Variants in HAS2 observed in about 807,000 individuals in gnomAD.
HAS2 encodes HA synthase 2.
Under a neutral mutation model 51.6 loss-of-function variants are expected in HAS2, and 16 were observed. The observed-to-expected ratio is 0.31, with a 90% CI of 0.21 to 0.47. HAS2 has a LOEUF of 0.47. Ranked by LOEUF, HAS2 falls within the 20% of genes least tolerant of loss-of-function variation. The pLI is 1.00. For synonymous variants in HAS2, 228 were observed against 235.5 expected (o/e 0.97, Z 0.29); for missense variants, 361 against 662.6 (o/e 0.54, Z 5.00).
intron 1 of HAS2, among the ~76,000 whole-genome samples, chr8:121,635,463 T>A (rs543422829): frequency 2.1e-3 from 319 of 152,272 alleles, no homozygotes; most frequent in African/African-American, 7.3e-3. Context: ...TACTTATGGG[T>A]TAACAAGTAA....
At chr8:121,622,426 A>C (rs1586504807) in intron 2 of HAS2, among the ~76,000 whole-genome samples, 1 of 152,116 alleles carries the variant, frequency 6.6e-6, no homozygotes, top group East Asian at 1.9e-4. Flanking sequence ...TTACCTCCTA[A>C]GCTTCCATTC....
chr8:121,616,728 G>A (rs1429015471), intron 3 of HAS2, among the ~76,000 whole-genome samples: 3 of 151,972 alleles, frequency 2.0e-5, no homozygotes, highest in Non-Finnish European at 2.9e-5. Context: ...AAACCACTGC[G>A]CCCGGCTCAT....
chr8:121,629,267 C>A lies in HAS2; in HGVS notation c.74G>T (p.Gly25Val). ...GCCAACAATATAAGCAGCTGTGATT[C>A]CAAGGAGGAGAGAGACTCCAAAGAG... is the stretch of plus-strand genomic sequence containing the variant. ...TTLFGVSLLL[G>V]ITAAYIVGYQ... The change falls in exon 2 of 4, where the codon GGA becomes GTA. Residue 25 changes from glycine to valine, a missense_variant. Coordinates refer to ENST00000303924, the MANE Select transcript of HAS2 (RefSeq NM_005328.3). 1 of 1,613,166 alleles carries A rather than the reference C, an allele frequency of 6.2e-7. No individual in the cohort carries two copies. Among genetic ancestry groups the A allele is most frequent in the Non-Finnish European group, 8.5e-7 (1 of 1,179,202 alleles).
rs750769768 is a variant in HAS2, at chr8:121,628,983, T to C, written c.358A>G (p.Ile120Val). ...AGGTCATCTTCTGAGTTCCCATCTA[T>C]GACCATGACAACTTTAATCCCAGGG... Reference protein sequence around the residue: ...TYPGIKVVMVIDGNSEDDLYM... With the variant: ...TYPGIKVVMVVDGNSEDDLYM... Residue 120 changes from isoleucine (I) to valine (V), a missense_variant, in exon 2 of 4, where the codon ATA (isoleucine) becomes GTA (valine). By Grantham distance (29) the Ile-to-Val change is conservative. Coordinates refer to ENST00000303924, the MANE Select transcript of HAS2 (RefSeq NM_005328.3). 2 of 1,614,184 alleles carry C rather than the reference T, an allele frequency of 1.2e-6. No individual in the cohort carries two copies. Among genetic ancestry groups the C allele is most frequent in the Non-Finnish European group, 1.7e-6 (2 of 1,179,984 alleles).
intron 1 of HAS2, among the ~76,000 whole-genome samples, chr8:121,637,390 C>CTTTT (rs397728062): frequency 0.083 from 10,826 of 130,588 alleles, 778 homozygotes; most frequent in Non-Finnish European, 0.1. Flanking sequence ...TCAAAATAGA[C>CTTTT]TTTTTTTTTT....
At position 121,641,158 on chromosome 8, in the gene HAS2, C is replaced by CTTTTTTT. The variant is rs71573616; in HGVS notation, c.-313_-307dup. 2.3e-3 allele frequency: 129 copies of CTTTTTTT among 56,996 alleles called. 3 individuals are homozygous for CTTTTTTT. The highest frequency in any genetic ancestry group is 3.0e-3 in the Non-Finnish European group (91 of 30,842). 3.5% of individuals were successfully genotyped at this position (56,996 alleles called of 1,614,324 possible). A position where few individuals can be genotyped will look rare whatever the true frequency, so the allele number is the denominator to read the frequency against. On this transcript the variant is annotated 5_prime_UTR_variant, in exon 1 of 4. Transcript: ENST00000303924. ...TAACTTTTCTTTTTTCTTTTCTTTT[C>CTTTTTTT]TTTTTTTTTTTTTTTTTTTTTTGGG... is the stretch of plus-strand genomic sequence containing the variant.
At chr8:121,626,653 G>A (rs972724770) in intron 2 of HAS2, among the ~76,000 whole-genome samples, 1 of 152,132 alleles carries the variant, frequency 6.6e-6, no homozygotes, top group Non-Finnish European at 1.5e-5. Flanking sequence ...CAAATCCTGG[G>A]ACACTTAGAA....
chr8:121,624,489 A>T (rs921514110), intron 2 of HAS2, among the ~76,000 whole-genome samples: 1 of 152,354 alleles, frequency 6.6e-6, no homozygotes, highest in East Asian at 1.9e-4. Context: ...TTTACTGAGT[A>T]GACAAATTTG....
intron 1 of HAS2, among the ~76,000 whole-genome samples, chr8:121,631,743 T>C (rs1812933865): frequency 6.6e-6 from 1 of 152,204 alleles, no homozygotes; most frequent in Admixed American, 6.5e-5. Flanking sequence ...TGCCTGAAGG[T>C]GCTGGGAGCA....
chr8:121,627,679 A>C (rs901920556), intron 2 of HAS2, among the ~76,000 whole-genome samples: 1 of 152,198 alleles, frequency 6.6e-6, no homozygotes, highest in Non-Finnish European at 1.5e-5. Context: ...CTCTATGATT[A>C]GAACTTTGGT....
intron 3 of HAS2, among the ~76,000 whole-genome samples, chr8:121,616,530 A>G (rs1282988814): frequency 1.3e-5 from 2 of 150,486 alleles, no homozygotes; most frequent in Non-Finnish European, 3.0e-5. Flanking sequence ...TCCACCTCCC[A>G]GGTCCAAGAA....
rs997279514 is a variant in HAS2 at position 121,613,079 on chromosome 8, C to G, written c.*1030G>C. On this transcript the variant is annotated 3_prime_UTR_variant, in exon 4 of 4. Coordinates refer to ENST00000303924, the MANE Select transcript of HAS2 (RefSeq NM_005328.3). ...TTATACAGATAATTTCTCCACTTTC[C>G]ACTTGACTTGTTCTGGGAAAACACT... 2.6e-5 allele frequency: 4 copies of G among 152,088 alleles called. No individual in the cohort carries two copies. Among genetic ancestry groups the G allele is most frequent in the Non-Finnish European group, 5.9e-5 (4 of 68,010 alleles). The allele number at this position is 152,088 out of a possible 1,614,324, so 9.4% of individuals were successfully genotyped here.
chr8:121,631,344 AC>A (rs1233966526), intron 1 of HAS2, among the ~76,000 whole-genome samples: 1 of 152,200 alleles, frequency 6.6e-6, no homozygotes, highest in African/African-American at 2.4e-5. Context: ...TAGCTTGCGG[AC>A]GTCTCTTTTT....
intron 2 of HAS2, among the ~76,000 whole-genome samples, chr8:121,627,552 A>G (rs1330360248): frequency 4.6e-5 from 7 of 152,250 alleles, no homozygotes. Flanking sequence ...AGCTTTAATT[A>G]TATCAATGAT....
intron 2 of HAS2, among the ~76,000 whole-genome samples, chr8:121,627,964 A>G (rs145130671): frequency 1.2e-3 from 184 of 152,260 alleles, no homozygotes; most frequent in Middle Eastern, 6.8e-3. Flanking sequence ...CTAATGTTCT[A>G]AAGAAGGAAG....
At chr8:121,619,430 T>C (rs1812747077) in intron 2 of HAS2, among the ~76,000 whole-genome samples, 2 of 152,262 alleles carry the variant, frequency 1.3e-5, no homozygotes, top group South Asian at 4.1e-4. Flanking sequence ...ACTTCTGAAT[T>C]TTTAAAACTT....
intron 1 of HAS2, among the ~76,000 whole-genome samples, chr8:121,638,656 T>TA (rs1813045377): frequency 1.3e-5 from 2 of 152,200 alleles, no homozygotes; most frequent in South Asian, 4.1e-4. Flanking sequence ...ACAGGTAACT[T>TA]AAAGTGTTAA....
intron 1 of HAS2, among the ~76,000 whole-genome samples, chr8:121,633,911 G>GTT (rs547991757): frequency 7.2e-4 from 101 of 140,956 alleles, no homozygotes; most frequent in Admixed American, 8.2e-4. Context: ...TGTTTTTTTG[G>GTT]GTTTTTTTTT....
At chr8:121,622,092 C>A (rs1320506818) in intron 2 of HAS2, among the ~76,000 whole-genome samples, 6 of 152,070 alleles carry the variant, frequency 3.9e-5, no homozygotes, top group Non-Finnish European at 8.8e-5. Flanking sequence ...GAGACTATCT[C>A]TAGAATGTGT....
Sources: allele counts gnomAD v4.1 joint callset (sites outside exome capture counted in the v4.1 genomes callset), GRCh38; gene constraint gnomAD v4.1.1; transcripts MANE v1.5; gene names NCBI Gene and HGNC (gene_info 2026-07-23, HGNC 2026-07-21).